The following OPCML variants were observed in gnomAD, a reference collection of about 807,000 sequenced individuals.
OPCML encodes the protein opioid-binding protein/cell adhesion molecule.
OPCML carries 13 observed loss-of-function variants against 37.8 expected under a neutral mutation model. The ratio of observed to expected loss-of-function variants is 0.34; its 90% CI spans 0.22 to 0.55. OPCML has a LOEUF of 0.55. Ranked by LOEUF, OPCML falls within the 20% of genes least tolerant of loss-of-function variation. OPCML has a pLI of 0.91. For missense variants in OPCML, 341 were observed against 435.6 expected (o/e 0.78, Z 1.93); for synonymous variants, 176 against 168.8 (o/e 1.04, Z -0.33).
intron 3 of OPCML, among the ~76,000 whole-genome samples, chr11:132,629,886 G>T (rs1197320733): frequency 6.6e-6 from 1 of 152,036 alleles, no homozygotes; most frequent in Non-Finnish European, 1.5e-5. Context: ...AAAGAAACAA[G>T]AATAGATATT....
intron 1 of OPCML, chr11:133,005,325 G>A: frequency 1.0e-6 from 1 of 985,332 alleles, no homozygotes; most frequent in Non-Finnish European, 1.2e-6. Flanking sequence ...CACATTGCTT[G>A]GAAGTAACAT....
At chr11:132,926,419 C>G (rs147992991) in intron 2 of OPCML, among the ~76,000 whole-genome samples, 1 of 152,046 alleles carries the variant, frequency 6.6e-6, no homozygotes, top group East Asian at 1.9e-4. Flanking sequence ...ATTTAAGGCC[C>G]CTGAGAAGAA....
intron 2 of OPCML, among the ~76,000 whole-genome samples, chr11:132,660,456 A>C (rs1941918236): frequency 6.6e-6 from 1 of 152,188 alleles, no homozygotes; most frequent in Admixed American, 6.5e-5. Flanking sequence ...GGTTTATAAC[A>C]TGGCATCAAA....
chr11:132,738,531 A>G lies in OPCML; in HGVS notation c.147-81212T>C, dbSNP rs539653761. On this transcript the variant is annotated intron_variant, in intron 2 of 7. Coordinates refer to ENST00000524381, the MANE Select transcript of OPCML (RefSeq NM_001012393.5). ...ATGTCCTGTGACTTATAAAACTTGTAACATGAAAGTCTGACCTTCTTGGAG... is the reference window on the plus strand; with the variant it reads ...ATGTCCTGTGACTTATAAAACTTGTGACATGAAAGTCTGACCTTCTTGGAG... Among the ~76,000 whole-genome samples the G allele has an allele frequency of 7.0e-4, 106 of 152,340 alleles. 1 individual carries two copies. The highest frequency in any genetic ancestry group is 5.8e-3 in the South Asian group (28 of 4,832).
intron 2 of OPCML, among the ~76,000 whole-genome samples, chr11:132,694,191 T>C (rs1216980749): frequency 1.9e-5 from 2 of 106,464 alleles, no homozygotes; most frequent in African/African-American, 8.1e-5. Context: ...TTTTTTTTTT[T>C]TTTTTTTTTT....
intron 1 of OPCML, among the ~76,000 whole-genome samples, chr11:133,241,289 A>C (rs1431947632): frequency 2.0e-5 from 3 of 152,246 alleles, no homozygotes; most frequent in African/African-American, 7.2e-5. Context: ...ATTGCTCAGG[A>C]GTGTGCATGG....
At chr11:133,043,948 G>A (rs1947955770) in intron 1 of OPCML, among the ~76,000 whole-genome samples, 1 of 152,204 alleles carries the variant, frequency 6.6e-6, no homozygotes, top group Non-Finnish European at 1.5e-5. Flanking sequence ...CAGGCACTAT[G>A]CTGAATCGAG....
intron 1 of OPCML, among the ~76,000 whole-genome samples, chr11:133,518,398 T>C (rs914693673): frequency 1.3e-5 from 2 of 151,948 alleles, no homozygotes; most frequent in African/African-American, 2.4e-5. Flanking sequence ...TAAGTGTGTG[T>C]GTGCATAGGG....
At chr11:132,458,735 C>A (rs1353941479) in intron 4 of OPCML, among the ~76,000 whole-genome samples, 1 of 152,106 alleles carries the variant, frequency 6.6e-6, no homozygotes, top group Non-Finnish European at 1.5e-5. Context: ...ACATAAAGAT[C>A]AGTAAAGACA....
intron 1 of OPCML, among the ~76,000 whole-genome samples, chr11:133,097,792 A>C (rs1949025883): frequency 6.6e-6 from 1 of 152,216 alleles, no homozygotes; most frequent in African/African-American, 2.4e-5. Context: ...CTTGAAAGAT[A>C]TGTCTGCCAA....
At chr11:133,115,313 G>A (rs1396499681) in intron 1 of OPCML, among the ~76,000 whole-genome samples, 1 of 152,202 alleles carries the variant, frequency 6.6e-6, no homozygotes, top group Admixed American at 6.5e-5. Context: ...GACCTACAGG[G>A]TGTTTGCTCA....
intron 1 of OPCML, among the ~76,000 whole-genome samples, chr11:133,351,799 T>C (rs73031356): frequency 0.073 from 11,056 of 152,070 alleles, 814 homozygotes; most frequent in African/African-American, 0.18. Context: ...ATGAATGGAA[T>C]TTCATGCCAT....
intron 1 of OPCML, among the ~76,000 whole-genome samples, chr11:133,087,352 C>T (rs977469909): frequency 5.9e-5 from 9 of 152,042 alleles, no homozygotes; most frequent in East Asian, 1.9e-4. Flanking sequence ...GTATACTGTG[C>T]GATGCTGAGG....
At chr11:132,544,233 G>T (rs1401791869) in intron 3 of OPCML, among the ~76,000 whole-genome samples, 1 of 151,884 alleles carries the variant, frequency 6.6e-6, no homozygotes, top group African/African-American at 2.4e-5. Flanking sequence ...AAAAAAAATG[G>T]CTTCCCAGTA....
intron 2 of OPCML, among the ~76,000 whole-genome samples, chr11:132,684,627 A>G (rs1943091414): frequency 6.6e-6 from 1 of 152,232 alleles, no homozygotes; most frequent in Non-Finnish European, 1.5e-5. Flanking sequence ...TATAAAACCA[A>G]TGGATTCATT....
intron 1 of OPCML, among the ~76,000 whole-genome samples, chr11:133,249,477 A>G (rs1941056861): frequency 6.6e-6 from 1 of 152,148 alleles, no homozygotes; most frequent in South Asian, 2.1e-4. Context: ...TCAAATTTCA[A>G]CTTGAGGTTT....
chr11:132,872,767 G>A (rs1161167928), intron 2 of OPCML, among the ~76,000 whole-genome samples: 1 of 152,158 alleles, frequency 6.6e-6, no homozygotes, highest in East Asian at 1.9e-4. Flanking sequence ...GAATAAAAGA[G>A]TGTATGAAGA....
intron 3 of OPCML, among the ~76,000 whole-genome samples, chr11:132,645,297 C>T (rs1444717293): frequency 5.9e-5 from 9 of 152,190 alleles, no homozygotes; most frequent in Non-Finnish European, 1.2e-4. Flanking sequence ...CCATGCTGGA[C>T]GTGGCTTTTC....
intron 3 of OPCML, among the ~76,000 whole-genome samples, chr11:132,581,542 T>C (rs2096461954): frequency 6.6e-6 from 1 of 152,182 alleles, no homozygotes; most frequent in Non-Finnish European, 1.5e-5. Flanking sequence ...AAGTAAATTA[T>C]TTTGCTGGCC....
Sources: gnomAD v4.1 joint callset for allele counts (sites outside exome capture counted in the v4.1 genomes callset) on GRCh38, gnomAD v4.1.1 for gene constraint, MANE v1.5 for transcripts, NCBI Gene and HGNC (gene_info 2026-07-23, HGNC 2026-07-21) for gene names.